LARP1: variants seen among roughly 807,000 people sequenced by gnomAD.
LARP1 encodes La ribonucleoprotein 1, translational regulator, also known as la-related protein 1.
Under a neutral mutation model 122.7 loss-of-function variants are expected in LARP1, and 36 were observed. The observed-to-expected ratio is 0.29, with a 90% CI of 0.22 to 0.39. The LOEUF is 0.39. LARP1 is among the 10% of genes least tolerant of loss of function. The pLI is 1.00. For missense variants in LARP1, 1,040 were observed against 1,403.6 expected, an observed-to-expected ratio of 0.74 and a Z score of 4.14; for synonymous variants, 539 against 528.7, an observed-to-expected ratio of 1.02 and a Z score of -0.27.
intron 3 of LARP1, 36 bp from the exon 4 acceptor site, chr5:154,792,584 TCA>T (rs757248158): frequency 1.3e-6 from 2 of 1,599,870 alleles, no homozygotes; most frequent in South Asian, 1.1e-5. Flanking sequence ...CATGAGGCAC[TCA>T]CACTCACCTC....
intron 1 of LARP1, chr5:154,685,916 C>T: frequency 2.1e-6 from 1 of 484,864 alleles, no homozygotes; most frequent in Non-Finnish European, 4.0e-6. Flanking sequence ...TAATGCTTCC[C>T]CAAGCTACCT....
At chr5:154,700,650 G>T (rs1018646689) in intron 1 of LARP1, among the ~76,000 whole-genome samples, 1 of 151,962 alleles carries the variant, frequency 6.6e-6, no homozygotes, top group African/African-American at 2.4e-5. Flanking sequence ...TTGAGACAGG[G>T]TCTCGCTCTA....
intron 1 of LARP1, among the ~76,000 whole-genome samples, chr5:154,775,594 C>CA (rs1472842419): frequency 1.3e-5 from 2 of 151,960 alleles, no homozygotes; most frequent in Non-Finnish European, 2.9e-5. Flanking sequence ...TTGCAATAAA[C>CA]AGTGTTTTTG....
intron 8 of LARP1, among the ~76,000 whole-genome samples, chr5:154,796,702 A>G (rs1663499143): frequency 1.3e-5 from 2 of 152,222 alleles, no homozygotes; most frequent in African/African-American, 4.8e-5. Context: ...ATGACAATAT[A>G]CTAATTCTGT....
chr5:154,813,337 A>T (rs993536109), intron 18 of LARP1, among the ~76,000 whole-genome samples: 2 of 152,204 alleles, frequency 1.3e-5, no homozygotes, highest in African/African-American at 4.8e-5. Context: ...CTTCGGGGTT[A>T]TAAGACCTTT....
At chr5:154,697,771 A>T (rs1241059321) in intron 1 of LARP1, among the ~76,000 whole-genome samples, 1 of 152,100 alleles carries the variant, frequency 6.6e-6, no homozygotes, top group African/African-American at 2.4e-5. Context: ...TGCAGGGGGG[A>T]TAGAAAGACT....
Position 154,717,570 on chromosome 5 carries a change from A to G in LARP1, c.205+4440A>G, listed in dbSNP as rs982436779. ...AATCTGAGTCCATGTAAATTATACC[A>G]GAAGTGACTGGTGTTATTCACTCTC... is the stretch of plus-strand genomic sequence containing the variant. On this transcript the variant is annotated intron_variant, in intron 1 of 18. Transcript: ENST00000336314. 3.3e-5 allele frequency among the ~76,000 whole-genome samples: 5 copies of G among 152,352 alleles called. No homozygotes were observed. In the East Asian group the frequency reaches 9.6e-4, roughly 29 times the overall value.
chr5:154,730,847 G>T (rs1286741594), intron 1 of LARP1, among the ~76,000 whole-genome samples: 1 of 150,308 alleles, frequency 6.7e-6, no homozygotes, highest in Non-Finnish European at 1.5e-5. Flanking sequence ...GCCCCTACGG[G>T]TAAGCACCAT....
upstream of LARP1, among the ~76,000 whole-genome samples, chr5:154,709,929 C>G (rs566389581): frequency 6.6e-6 from 1 of 152,126 alleles, no homozygotes; most frequent in Admixed American, 6.6e-5. Flanking sequence ...GTGCTAGCAT[C>G]GTCACCTCAA....
Position 154,803,355 on chromosome 5 carries a change from T to G in LARP1, c.2175T>G (p.Pro725=). The change falls in exon 12 of 19, where the codon CCT becomes CCG. Residue 725 remains proline, a synonymous_variant. Coordinates refer to ENST00000518297, the MANE Select transcript of LARP1 (RefSeq NM_033551.3). This position sits in a 1 kb window ranked among gnomAD's most constrained non-coding sequence, Gnocchi z 4.4. ...ISREQFDTLT[P]EPPVDPNQEV... is the part of the protein sequence containing the mutation. The stretch of plus-strand genomic sequence containing the variant: ...GGGAGCAGTTTGACACACTGACCCC[T>G]GAGCCCCCTGTGGATCCCAACCAGG... 4.3e-6 allele frequency: 7 copies of G among 1,614,186 alleles called. No homozygotes were observed. The highest frequency in any genetic ancestry group is 5.9e-6 in the Non-Finnish European group (7 of 1,180,024).
At chr5:154,721,341 C>T (rs1394793938) in intron 1 of LARP1, among the ~76,000 whole-genome samples, 113 of 77,486 alleles carry the variant, frequency 1.5e-3, no homozygotes, top group African/African-American at 6.4e-3. Flanking sequence ...AGCGAGACTC[C>T]GTCTCAAAAA....
chr5:154,707,355 G>T (rs1299183028), intron 1 of LARP1, among the ~76,000 whole-genome samples: 2 of 152,106 alleles, frequency 1.3e-5, no homozygotes, highest in Admixed American at 6.5e-5. Context: ...GATACTCAAG[G>T]AGTCCTGACT....
In LARP1 at chr5:154,797,021, A is replaced by G. The variant is rs1298620120; in HGVS notation, c.1377+1702A>G. Among the ~76,000 whole-genome samples the G allele has an allele frequency of 2.0e-5, 3 of 152,066 alleles. No homozygotes were observed. The East Asian group carries it at 5.8e-4, about 29-fold the overall frequency. On this transcript the variant is annotated intron_variant, in intron 8 of 18. Coordinates refer to ENST00000518297, the MANE Select transcript of LARP1 (RefSeq NM_033551.3). ...TCCCACCTTTGGTCAGTGGGACCCT[A>G]TACATTTCCTGCCCCAGATCTGGAA...
intron 1 of LARP1, among the ~76,000 whole-genome samples, chr5:154,684,581 T>C (rs1753837769): frequency 6.6e-6 from 1 of 152,092 alleles, no homozygotes; most frequent in Admixed American, 6.6e-5. Flanking sequence ...GGGTGTGCAC[T>C]CCTTGCGCTT....
intron 1 of LARP1, chr5:154,729,321 C>A: frequency 5.0e-6 from 1 of 200,160 alleles, no homozygotes; most frequent in South Asian, 9.6e-5. Context: ...CACATACATG[C>A]AAAGCTGTAA....
chr5:154,715,725 C>T (rs1755464434), intron 1 of LARP1, among the ~76,000 whole-genome samples: 1 of 152,082 alleles, frequency 6.6e-6, no homozygotes, highest in South Asian at 2.1e-4. Context: ...ACCGAATGAC[C>T]AAACCTTGGG....
chr5:154,765,251 T>C (rs985350579), intron 1 of LARP1, among the ~76,000 whole-genome samples: 4 of 152,188 alleles, frequency 2.6e-5, no homozygotes, highest in South Asian at 2.1e-4. Context: ...TTGGGTCTTA[T>C]GTTCTGTAGT....
chr5:154,811,134 A>G (rs1192508440), intron 16 of LARP1, 113 bp from the exon 17 acceptor site: 8 of 757,496 alleles, frequency 1.1e-5, no homozygotes, highest in East Asian at 2.7e-5. Context: ...TGTTTTTTCA[A>G]TACAGAAATA....
rs1001494548 is a variant in LARP1, at chr5:154,808,830, A to C, written c.2843+227A>C. Among the ~76,000 whole-genome samples, 4 of 152,286 alleles carry C rather than the reference A, an allele frequency of 2.6e-5. No homozygotes were observed. The South Asian group carries it at 6.2e-4, about 24-fold the overall frequency. On this transcript the variant is annotated intron_variant, in intron 16 of 18. Transcript: ENST00000518297. Reference sequence around the variant, plus strand: ...GTTGTCTTATCCCTGTCCCCCACCCATCTGGTGTCTTTCCCCACAGGCAAC... The same window carrying C: ...GTTGTCTTATCCCTGTCCCCCACCCCTCTGGTGTCTTTCCCCACAGGCAAC...
Sources: gnomAD v4.1 joint callset for allele counts (sites outside exome capture counted in the v4.1 genomes callset) on GRCh38, gnomAD v4.1.1 for gene constraint, Gnocchi (gnomAD v3.1) non-coding constraint, MANE v1.5 for transcripts, NCBI Gene and HGNC (gene_info 2026-07-23, HGNC 2026-07-21) for gene names.